Variants in CNTN5 observed in about 807,000 individuals in gnomAD.
CNTN5 encodes the protein contactin-5.
Under a neutral mutation model 129.1 loss-of-function variants are expected in CNTN5, and 77 were observed. That is an observed-to-expected ratio of 0.60 (90% confidence interval 0.50 to 0.72). The LOEUF is 0.72. Ranked by LOEUF, CNTN5 falls within the 30% of genes least tolerant of loss-of-function variation. The pLI, the probability that CNTN5 is intolerant of heterozygous loss-of-function variation, is 0.00. For synonymous variants in CNTN5, 509 were observed against 465.6 expected (o/e 1.09, Z -1.20); for missense variants, 1,478 against 1,328.8 (o/e 1.11, Z -1.75).
chr11:99,075,408 C>T (rs768200167), intron 1 of CNTN5, among the ~76,000 whole-genome samples: 9 of 152,106 alleles, frequency 5.9e-5, no homozygotes, highest in Non-Finnish European at 8.8e-5. Context: ...GTAAATACTA[C>T]TTTTATTTTA....
intron 2 of CNTN5, among the ~76,000 whole-genome samples, chr11:99,353,143 C>T (rs1189342998): frequency 6.6e-6 from 1 of 152,068 alleles, no homozygotes; most frequent in African/African-American, 2.4e-5. Context: ...TATACAAGGC[C>T]CAATCTAGCT....
chr11:99,269,631 AC>A, intron 1 of CNTN5, among the ~76,000 whole-genome samples: 1 of 152,032 alleles, frequency 6.6e-6, no homozygotes, highest in Admixed American at 6.6e-5. Flanking sequence ...TCTTATATTA[AC>A]AAAAGTGTTG....
intron 6 of CNTN5, among the ~76,000 whole-genome samples, chr11:99,862,664 A>C (rs1198108680): frequency 6.6e-6 from 1 of 152,092 alleles, no homozygotes; most frequent in South Asian, 2.1e-4. Context: ...CTAATTTTTC[A>C]AATGGTAAAT....
At chr11:99,849,501 C>T (rs754305949) in intron 6 of CNTN5, among the ~76,000 whole-genome samples, 44 of 152,010 alleles carry the variant, frequency 2.9e-4, no homozygotes, top group Admixed American at 1.2e-3. Context: ...CTCCCAACCC[C>T]TTGTCAGGCA....
chr11:99,490,939 C>T (rs1291633125), intron 2 of CNTN5, among the ~76,000 whole-genome samples: 3 of 151,852 alleles, frequency 2.0e-5, no homozygotes, highest in African/African-American at 7.3e-5. Context: ...ACTCAGAGCT[C>T]ACCGAGATCT....
intron 13 of CNTN5, among the ~76,000 whole-genome samples, chr11:100,167,932 A>T (rs1947694043): frequency 6.6e-6 from 1 of 151,994 alleles, no homozygotes; most frequent in Non-Finnish European, 1.5e-5. Flanking sequence ...TTGAATACAC[A>T]AATGATAAGA....
chr11:99,598,893 TGTTA>T (rs1311264340), intron 3 of CNTN5, among the ~76,000 whole-genome samples: 19 of 152,144 alleles, frequency 1.2e-4, no homozygotes, highest in Admixed American at 2.6e-4. Flanking sequence ...CTATGATAAA[TGTTA>T]GTTAAAGTCA....
chr11:99,624,176 T>C (rs1280249020), intron 3 of CNTN5, among the ~76,000 whole-genome samples: 1 of 152,066 alleles, frequency 6.6e-6, no homozygotes, highest in Non-Finnish European at 1.5e-5. Context: ...TACTGAGTGG[T>C]CTTTGAAAGC....
chr11:99,349,298 G>T (rs192482117), intron 2 of CNTN5, among the ~76,000 whole-genome samples: 1 of 152,210 alleles, frequency 6.6e-6, no homozygotes, highest in Admixed American at 6.5e-5. Context: ...CTCCTCCATA[G>T]TCATGCTATA....
intron 1 of CNTN5, among the ~76,000 whole-genome samples, chr11:99,241,906 G>A (rs1861579082): frequency 6.6e-6 from 1 of 151,972 alleles, no homozygotes; most frequent in East Asian, 1.9e-4. Context: ...TGTCTTTGAT[G>A]ATGGAGGAAT....
In CNTN5 at chr11:99,616,811, T is replaced by TA. The variant is rs550561945; in HGVS notation, c.55+60548dup. 4.4e-3 allele frequency among the ~76,000 whole-genome samples: 677 copies of TA among 152,292 alleles called. 19 individuals carry two copies. Among genetic ancestry groups the TA allele is most frequent in the East Asian group, 7.3e-3 (38 of 5,180 alleles). The stretch of plus-strand genomic sequence containing the variant: ...GGAATTAAGGAAAGCATAGGTCCTT[T>TA]AAAAAACTGTCAATTATGGCCTGGT... On this transcript the variant is annotated intron_variant, in intron 3 of 24. Coordinates refer to ENST00000524871, the MANE Select transcript of CNTN5 (RefSeq NM_014361.4).
intron 2 of CNTN5, among the ~76,000 whole-genome samples, chr11:99,549,676 T>C (rs1486094983): frequency 6.6e-6 from 1 of 152,086 alleles, no homozygotes; most frequent in Non-Finnish European, 1.5e-5. Flanking sequence ...AGAAAGGAAA[T>C]CTACTGCCAC....
At chr11:99,209,940 TGAAAACAAC>T (rs1859681703) in intron 1 of CNTN5, among the ~76,000 whole-genome samples, 1 of 152,116 alleles carries the variant, frequency 6.6e-6, no homozygotes, top group African/African-American at 2.4e-5. Context: ...TGTGATTTTA[TGAAAACAAC>T]GAAAACAACT....
intron 9 of CNTN5, among the ~76,000 whole-genome samples, chr11:100,026,712 A>AT (rs1344736885): frequency 6.6e-6 from 1 of 151,882 alleles, no homozygotes; most frequent in Non-Finnish European, 1.5e-5. Context: ...TTTTTGGCCC[A>AT]TTTTTTTAGT....
At chr11:99,677,522 A>G (rs538255576) in intron 3 of CNTN5, among the ~76,000 whole-genome samples, 17 of 152,300 alleles carry the variant, frequency 1.1e-4, no homozygotes, top group African/African-American at 4.1e-4. Context: ...ACATATGGCA[A>G]CATGCAGTCT....
chr11:99,778,859 G>A (rs1945216304), intron 3 of CNTN5, among the ~76,000 whole-genome samples: 1 of 149,728 alleles, frequency 6.7e-6, no homozygotes, highest in Non-Finnish European at 1.5e-5. Flanking sequence ...TTCTCTATTT[G>A]TGTTAAATTT....
intron 1 of CNTN5, among the ~76,000 whole-genome samples, chr11:99,271,790 A>C (rs1863184091): frequency 6.6e-6 from 1 of 151,796 alleles, no homozygotes; most frequent in Non-Finnish European, 1.5e-5. Flanking sequence ...ATGTTTCTTT[A>C]GCCTAGCTTG....
In CNTN5 at chr11:99,888,921, C is replaced by A. The variant is rs1055375570; in HGVS notation, c.578-27133C>A. ...ATTTACTAAATGAGGAAAATGCTCACAGTTTTGAGTTGTCAAGAGGAAGAA... is the reference window on the plus strand; with the variant it reads ...ATTTACTAAATGAGGAAAATGCTCAAAGTTTTGAGTTGTCAAGAGGAAGAA... On this transcript the variant is annotated intron_variant, in intron 6 of 24. Coordinates refer to ENST00000524871, the MANE Select transcript of CNTN5 (RefSeq NM_014361.4). Among the ~76,000 whole-genome samples, 31 of 152,134 alleles carry A rather than the reference C, an allele frequency of 2.0e-4. 1 individual carries two copies. The highest frequency in any genetic ancestry group is 2.0e-3 in the Admixed American group (30 of 15,262).
intron 1 of CNTN5, among the ~76,000 whole-genome samples, chr11:99,155,665 A>C (rs1408807298): frequency 6.6e-6 from 1 of 152,202 alleles, no homozygotes; most frequent in Non-Finnish European, 1.5e-5. Context: ...TTAAAAAAAA[A>C]AACTAGTAAG....
Sources: gnomAD v4.1 joint callset for allele counts (sites outside exome capture counted in the v4.1 genomes callset) on GRCh38, gnomAD v4.1.1 for gene constraint, MANE v1.5 for transcripts, NCBI Gene and HGNC (gene_info 2026-07-23, HGNC 2026-07-21) for gene names.